FAM117A: variants seen among roughly 807,000 people sequenced by gnomAD.
FAM117A encodes protein FAM117A.
FAM117A carries 21 observed loss-of-function variants against 44.1 expected under a neutral mutation model. The observed-to-expected ratio is 0.48, with a 90% CI of 0.34 to 0.69. The LOEUF is 0.69. Ranked by LOEUF, FAM117A falls within the 30% of genes least tolerant of loss-of-function variation. FAM117A has a pLI of 0.01. For missense variants in FAM117A, 498 were observed against 589.9 expected, an observed-to-expected ratio of 0.84 and a Z score of 1.61; for synonymous variants, 220 against 238.3, an observed-to-expected ratio of 0.92 and a Z score of 0.71.
At chr17:49,788,760 G>A (rs957688845), upstream of FAM117A, 124 of 1,517,134 alleles carry the variant, frequency 8.2e-5, no homozygotes, top group Non-Finnish European at 1.0e-4. Flanking sequence ...GGCCGCCACG[G>A]AGCCCGCCGG....
chr17:49,734,690 C>T (rs555450843), intron 1 of FAM117A, among the ~76,000 whole-genome samples: 1 of 152,254 alleles, frequency 6.6e-6, no homozygotes, highest in Admixed American at 6.5e-5. Context: ...CCATATGACC[C>T]AGCAGTTCCA....
intron 7 of FAM117A, among the ~76,000 whole-genome samples, chr17:49,711,899 C>T (rs545292380): frequency 1.6e-3 from 237 of 152,320 alleles, no homozygotes; most frequent in African/African-American, 5.2e-3. Context: ...AATCCCAGCA[C>T]TTTGGAAGGC....
intron 1 of FAM117A, chr17:49,747,267 GT>G (rs1039692960): frequency 2.0e-5 from 3 of 152,144 alleles, no homozygotes; most frequent in African/African-American, 7.2e-5. Context: ...ATAGCACTCA[GT>G]TTACCTGTGG....
intron 7 of FAM117A, among the ~76,000 whole-genome samples, chr17:49,715,270 C>T (rs1245095551): frequency 6.6e-6 from 1 of 152,128 alleles, no homozygotes; most frequent in African/African-American, 2.4e-5. Flanking sequence ...CCTACTGTGG[C>T]TTCTGTATGT....
intron 2 of FAM117A, chr17:49,724,428 A>G: frequency 2.2e-6 from 1 of 456,304 alleles, no homozygotes; most frequent in South Asian, 1.5e-5. Context: ...AAACAGCCAC[A>G]TTCAGGCCGC....
At chr17:49,770,687 T>C (rs1488205741) in intron 1 of FAM117A, among the ~76,000 whole-genome samples, 3 of 152,082 alleles carry the variant, frequency 2.0e-5, no homozygotes, top group South Asian at 2.1e-4. Context: ...GAGGATCACT[T>C]GAATCCAGGA....
chr17:49,722,417 C>G, intron 3 of FAM117A, 82 bp downstream of exon 3: 1 of 1,153,052 alleles, frequency 8.7e-7, no homozygotes, highest in Non-Finnish European at 1.3e-6. Flanking sequence ...TGTGACGCCA[C>G]CATGGAGCAG....
At chr17:49,788,957 C>T (rs1032077042), upstream of FAM117A, 24 of 1,073,076 alleles carry the variant, frequency 2.2e-5, 1 homozygote, top group East Asian at 5.2e-4. Flanking sequence ...TTCCGCTCCC[C>T]CGAACCTTGT....
upstream of FAM117A, chr17:49,788,720 G>T (rs536743421): frequency 2.6e-6 from 3 of 1,167,998 alleles, no homozygotes; most frequent in African/African-American, 1.6e-5. Context: ...AGGCACTAGG[G>T]ATCGTCCGCA....
At chr17:49,715,516 G>A (rs1251197682) in intron 7 of FAM117A, among the ~76,000 whole-genome samples, 1 of 152,170 alleles carries the variant, frequency 6.6e-6, no homozygotes, top group Non-Finnish European at 1.5e-5. Context: ...TGGAAAGGTT[G>A]GCTCTCAATT....
chr17:49,760,484 A>G lies in FAM117A; in HGVS notation c.196+3408T>C, dbSNP rs139918435. On this transcript the variant is annotated intron_variant, in intron 1 of 7. Coordinates refer to ENST00000240364, the MANE Select transcript of FAM117A (RefSeq NM_030802.4). ...AAATGAAGCAGTGTGGCTGGTTCCAATAAAACTTTATTTACAAAAATAGGC... is the reference window on the plus strand; with the variant it reads ...AAATGAAGCAGTGTGGCTGGTTCCAGTAAAACTTTATTTACAAAAATAGGC... 4.6e-4 allele frequency among the ~76,000 whole-genome samples: 70 copies of G among 152,234 alleles called. No homozygotes were observed. The East Asian group carries it at 0.013, about 28-fold the overall frequency.
In FAM117A at chr17:49,717,722, G is replaced by A. The variant is rs117876393; in HGVS notation, c.709-8C>T. 4 of 1,591,760 alleles carry A rather than the reference G, an allele frequency of 2.5e-6. No individual in the cohort carries two copies. The East Asian group carries it at 9.0e-5, about 36-fold the overall frequency. On this transcript the variant is annotated splice_polypyrimidine_tract_variant and splice_region_variant and intron_variant, in intron 5 of 7. Coordinates refer to ENST00000240364, the MANE Select transcript of FAM117A (RefSeq NM_030802.4). ...ATCAGGGATATCAAGGATCTAACGG[G>A]GAAGGACGGTAAAGACTGTCAGCCC...
At chr17:49,716,492 A>G (rs2073504174) in intron 6 of FAM117A, among the ~76,000 whole-genome samples, 177 bp from the exon 7 acceptor site, 1 of 152,238 alleles carries the variant, frequency 6.6e-6, no homozygotes, top group African/African-American at 2.4e-5. Flanking sequence ...GCAGCTTACA[A>G]AAATACACAG....
At chr17:49,775,452 G>A (rs756437231) in intron 1 of FAM117A, among the ~76,000 whole-genome samples, 1 of 152,198 alleles carries the variant, frequency 6.6e-6, no homozygotes, top group African/African-American at 2.4e-5. Context: ...GGCCTTGGCA[G>A]TCTCTCTAGC....
At chr17:49,749,829 G>T (rs920822741) in intron 1 of FAM117A, among the ~76,000 whole-genome samples, 15 of 148,324 alleles carry the variant, frequency 1.0e-4, no homozygotes, top group Admixed American at 8.7e-4. Context: ...GGTCCAGCTA[G>T]AGTAGTAAGG....
At chr17:49,713,552 G>A (rs983986789) in intron 7 of FAM117A, among the ~76,000 whole-genome samples, 4 of 151,900 alleles carry the variant, frequency 2.6e-5, no homozygotes, top group South Asian at 2.1e-4. Context: ...TGTTGTCCAC[G>A]CTGGAGTGCA....
intron 1 of FAM117A, among the ~76,000 whole-genome samples, chr17:49,772,735 C>A (rs1052472923): frequency 2.0e-5 from 3 of 150,658 alleles, no homozygotes; most frequent in African/African-American, 7.3e-5. Flanking sequence ...CTGGACAATA[C>A]AGTGAGACTC....
Position 49,749,022 on chromosome 17 carries a change from T to A in FAM117A, c.196+14870A>T, listed in dbSNP as rs565096400. On this transcript the variant is annotated intron_variant, in intron 1 of 7. Transcript: ENST00000240364. ...GTTTTCACTGACTAAAAATGAGCCA[T>A]CTCTTTGTGCATGAAGTTGTAACTC... Among the ~76,000 whole-genome samples, 25 of 152,216 alleles carry A rather than the reference T, an allele frequency of 1.6e-4. No individual in the cohort carries two copies. In the South Asian group the frequency reaches 3.3e-3, roughly 20 times the overall value.
intron 2 of FAM117A, among the ~76,000 whole-genome samples, chr17:49,724,072 A>C (rs1323180483): frequency 1.3e-5 from 2 of 152,154 alleles, no homozygotes; most frequent in Non-Finnish European, 2.9e-5. Flanking sequence ...CAGTATATGG[A>C]AAGCTACTTC....
Sources: gnomAD v4.1 joint callset for allele counts (sites outside exome capture counted in the v4.1 genomes callset) on GRCh38, gnomAD v4.1.1 for gene constraint, MANE v1.5 for transcripts, NCBI Gene and HGNC (gene_info 2026-07-23, HGNC 2026-07-21) for gene names.